Variants in RPS6KC1 observed in about 807,000 individuals in gnomAD.
The protein encoded by RPS6KC1 is inactive ribosomal protein S6 kinase delta-1.
In RPS6KC1, 54 loss-of-function variants were observed where a neutral mutation model predicts 103.8. The ratio of observed to expected loss-of-function variants is 0.52; its 90% CI spans 0.42 to 0.65. The LOEUF is 0.65. Ranked by LOEUF, RPS6KC1 falls within the 30% of genes least tolerant of loss-of-function variation. The pLI is 0.00. For synonymous variants in RPS6KC1, 439 were observed against 438.7 expected (o/e 1.00, Z -0.01); for missense variants, 1,151 against 1,253.8 (o/e 0.92, Z 1.24).
the RPS6KC1 span, among the ~76,000 whole-genome samples, chr1:213,712,944 G>A: frequency 1.3e-5 from 2 of 152,122 alleles, no homozygotes; most frequent in African/African-American, 4.8e-5. Flanking sequence ...GCAGACTGGA[G>A]CTGTTCCTAT....
the RPS6KC1 span, among the ~76,000 whole-genome samples, chr1:213,506,512 C>G: frequency 2.0e-5 from 3 of 152,220 alleles, no homozygotes; most frequent in African/African-American, 7.2e-5. Flanking sequence ...CACTCAGTTA[C>G]TCATTCAACA....
the RPS6KC1 span, among the ~76,000 whole-genome samples, chr1:213,460,892 T>C: frequency 2.0e-5 from 3 of 152,220 alleles, no homozygotes; most frequent in African/African-American, 7.2e-5. Flanking sequence ...AAAACTCTTT[T>C]CTTTAAGAAT....
At chr1:213,430,820 A>G in the RPS6KC1 span, among the ~76,000 whole-genome samples, 2 of 152,302 alleles carry the variant, frequency 1.3e-5, 1 homozygote, top group East Asian at 3.9e-4. Flanking sequence ...TCAATTTTAT[A>G]TTTTCCTCTT....
chr1:213,767,213 C>T, the RPS6KC1 span, among the ~76,000 whole-genome samples: 1 of 152,212 alleles, frequency 6.6e-6, no homozygotes, highest in Non-Finnish European at 1.5e-5. Flanking sequence ...AAACCCTTCG[C>T]TATCTCTCCA....
At chr1:213,257,155 C>T (rs1019207839) in intron 12 of RPS6KC1, among the ~76,000 whole-genome samples, 9 of 152,186 alleles carry the variant, frequency 5.9e-5, no homozygotes, top group African/African-American at 1.9e-4. Flanking sequence ...CACTCTCCCT[C>T]GGCCTCCCCA....
chr1:213,404,055 T>C, the RPS6KC1 span, among the ~76,000 whole-genome samples: 1 of 152,138 alleles, frequency 6.6e-6, no homozygotes, highest in East Asian at 1.9e-4. Context: ...TAAGCGAGGA[T>C]GTGGATAGTC....
chr1:213,689,457 AC>A, the RPS6KC1 span, among the ~76,000 whole-genome samples: 3 of 151,986 alleles, frequency 2.0e-5, no homozygotes, highest in Non-Finnish European at 4.4e-5. Flanking sequence ...CAAGAGCAAT[AC>A]TCCCAGTATT....
At chr1:213,652,666 C>G in the RPS6KC1 span, among the ~76,000 whole-genome samples, 1 of 152,314 alleles carries the variant, frequency 6.6e-6, no homozygotes, top group East Asian at 1.9e-4. Context: ...TGAGACCACC[C>G]TGTGAAGAAG....
chr1:213,516,534 A>T, the RPS6KC1 span, among the ~76,000 whole-genome samples: 1 of 152,170 alleles, frequency 6.6e-6, no homozygotes, highest in South Asian at 2.1e-4. Flanking sequence ...GATTACGTTT[A>T]TTGATTTGCA....
chr1:213,359,427 C>G, the RPS6KC1 span, among the ~76,000 whole-genome samples: 1 of 152,144 alleles, frequency 6.6e-6, no homozygotes, highest in African/African-American at 2.4e-5. Context: ...TCCTCCATCC[C>G]TTTATTTTGA....
chr1:213,130,744 T>A (rs1017582539), intron 6 of RPS6KC1, among the ~76,000 whole-genome samples: 6 of 152,172 alleles, frequency 3.9e-5, no homozygotes, highest in Admixed American at 3.3e-4. Context: ...TACCTGTCTG[T>A]ATATGGAGGG....
the RPS6KC1 span, among the ~76,000 whole-genome samples, chr1:213,547,709 A>G: frequency 1.3e-5 from 2 of 152,114 alleles, no homozygotes; most frequent in African/African-American, 2.4e-5. Context: ...TTGAAAGGAG[A>G]CTGGCACCTG....
rs752516948 is a variant in RPS6KC1 at position 213,232,161 on chromosome 1, G to C, written c.1131G>C (p.Lys377Asn). The C allele has an allele frequency of 3.1e-6, 5 of 1,613,892 alleles. No individual in the cohort carries two copies. Among genetic ancestry groups the C allele is most frequent in the Non-Finnish European group, 4.2e-6 (5 of 1,179,910 alleles). ...GCAGTGAATACAGCAGGAACAGAAA[G>C]ACCATCATCCCCCGCTGTGTGCCCA... ...RKSSEYSRNR[K>N]TIIPRCVPNM... Residue 377 changes from lysine to asparagine, a missense_variant, in exon 10 of 15, where the codon AAG becomes AAC. By Grantham distance (94) the Lys-to-Asn change is moderately conservative. Around this residue, in one of 3 missense-constraint regions of RPS6KC1, gnomAD observed 959 missense variants for 1,006.3 expected, o/e 0.95. Transcript: ENST00000366960.
At position 213,150,808 on chromosome 1, in the gene RPS6KC1, C is replaced by T. The variant is rs1001550063; in HGVS notation, c.836-17050C>T. On this transcript the variant is annotated intron_variant, in intron 6 of 14. Coordinates refer to ENST00000366960, the MANE Select transcript of RPS6KC1 (RefSeq NM_012424.6). Reference sequence around the variant, plus strand: ...CAAAGCCGCCATTGTCATCCTGGCCCGTTCTCAATGAGCCGTTGGGCACAC... The same window carrying T: ...CAAAGCCGCCATTGTCATCCTGGCCTGTTCTCAATGAGCCGTTGGGCACAC... Among the ~76,000 whole-genome samples the T allele has an allele frequency of 1.1e-4, 17 of 152,346 alleles. 1 individual carries two copies. The South Asian group carries it at 2.3e-3, about 20-fold the overall frequency.
the RPS6KC1 span, among the ~76,000 whole-genome samples, chr1:213,685,231 G>C: frequency 6.6e-6 from 1 of 152,156 alleles, no homozygotes; most frequent in Non-Finnish European, 1.5e-5. Context: ...AAGGAGCACA[G>C]ACTTTGAAAT....
chr1:213,397,821 G>A, the RPS6KC1 span, among the ~76,000 whole-genome samples: 1 of 152,122 alleles, frequency 6.6e-6, no homozygotes, highest in Admixed American at 6.5e-5. Context: ...GGGCAGGAGA[G>A]GACACCGTTT....
chr1:213,319,913 C>A, the RPS6KC1 span, among the ~76,000 whole-genome samples: 1 of 152,138 alleles, frequency 6.6e-6, no homozygotes. Flanking sequence ...AATTTGGGGG[C>A]AGTGTATAGC....
chr1:213,518,735 G>A, the RPS6KC1 span, among the ~76,000 whole-genome samples: 329 of 152,320 alleles, frequency 2.2e-3, 1 homozygote, highest in African/African-American at 7.4e-3. Flanking sequence ...CAGCTGGAAT[G>A]AGCATATGAA....
At chr1:213,768,311 C>A in the RPS6KC1 span, among the ~76,000 whole-genome samples, 1 of 152,074 alleles carries the variant, frequency 6.6e-6, no homozygotes, top group Non-Finnish European at 1.5e-5. Context: ...TTAAAACAAT[C>A]TGGGGCAGAT....
Sources: allele counts gnomAD v4.1 joint callset (sites outside exome capture counted in the v4.1 genomes callset), GRCh38; gene constraint gnomAD v4.1.1; regional missense constraint gnomAD v4.1.1; transcripts MANE v1.5; gene names NCBI Gene and HGNC (gene_info 2026-07-23, HGNC 2026-07-21).